The following ADCY2 variants were observed in gnomAD, a reference collection of about 807,000 sequenced individuals.
ADCY2 encodes the protein adenylate cyclase type 2.
Under a neutral mutation model 125.2 loss-of-function variants are expected in ADCY2, and 31 were observed. That is an observed-to-expected ratio of 0.25 (90% confidence interval 0.19 to 0.33). ADCY2 has a LOEUF of 0.33. ADCY2 is among the 10% of genes least tolerant of loss of function. ADCY2 has a pLI of 1.00. For missense variants in ADCY2, 904 were observed against 1,418.2 expected, an observed-to-expected ratio of 0.64 and a Z score of 5.82; for synonymous variants, 512 against 548.4, an observed-to-expected ratio of 0.93 and a Z score of 0.93.
chr5:7,655,017 T>C (rs1002930638), intron 4 of ADCY2, among the ~76,000 whole-genome samples: 12 of 152,148 alleles, frequency 7.9e-5, no homozygotes, highest in African/African-American at 2.9e-4. Context: ...GAGATCCCTG[T>C]TAGGTTTTAG....
At chr5:7,477,511 G>T (rs1417297246) in intron 2 of ADCY2, among the ~76,000 whole-genome samples, 1 of 152,132 alleles carries the variant, frequency 6.6e-6, no homozygotes, top group East Asian at 1.9e-4. Flanking sequence ...CAGTCACATA[G>T]CAGGTGCCAG....
chr5:7,645,512 A>C (rs1738864017), intron 4 of ADCY2, among the ~76,000 whole-genome samples: 1 of 152,058 alleles, frequency 6.6e-6, no homozygotes, highest in South Asian at 2.1e-4. Context: ...CCAATGAGAC[A>C]ATGTCCAGTG....
At chr5:7,626,440 G>C (rs1451629297) in intron 4 of ADCY2, 124 bp downstream of exon 4, 3 of 1,130,894 alleles carry the variant, frequency 2.7e-6, no homozygotes, top group Non-Finnish European at 3.7e-6. Context: ...AGAAACCCTG[G>C]GCTCTGCACC....
At chr5:7,592,715 A>G (rs1277117412) in intron 3 of ADCY2, among the ~76,000 whole-genome samples, 1 of 152,222 alleles carries the variant, frequency 6.6e-6, no homozygotes, top group African/African-American at 2.4e-5. Flanking sequence ...TACCCTGTCA[A>G]TAAACATAAA....
chr5:7,820,905 A>G (rs1230380504), intron 24 of ADCY2, among the ~76,000 whole-genome samples: 2 of 152,254 alleles, frequency 1.3e-5, no homozygotes, highest in African/African-American at 4.8e-5. Flanking sequence ...AAAGGCTATT[A>G]TATTTGTGAA....
intron 17 of ADCY2, among the ~76,000 whole-genome samples, chr5:7,767,258 C>G (rs1743413612): frequency 6.6e-6 from 1 of 152,120 alleles, no homozygotes; most frequent in Non-Finnish European, 1.5e-5. Flanking sequence ...TGATTCTGTT[C>G]CCTAGTAATT....
At chr5:7,525,670 TG>T (rs1734432551) in intron 3 of ADCY2, among the ~76,000 whole-genome samples, 1 of 151,968 alleles carries the variant, frequency 6.6e-6, no homozygotes, top group Non-Finnish European at 1.5e-5. Flanking sequence ...TGTGTGTGTG[TG>T]TGTGTGTGTT....
chr5:7,465,797 C>T (rs1009937762), intron 2 of ADCY2, among the ~76,000 whole-genome samples: 1 of 152,132 alleles, frequency 6.6e-6, no homozygotes, highest in African/African-American at 2.4e-5. Context: ...ATCCTCCTTT[C>T]TCTTAGCTTA....
At chr5:7,507,440 CAAAA>C (rs766601693) in intron 2 of ADCY2, among the ~76,000 whole-genome samples, 1 of 46,984 alleles carries the variant, frequency 2.1e-5, no homozygotes, top group Non-Finnish European at 4.0e-5. Context: ...GACTCCGTCT[CAAAA>C]AAAAAAAAAA....
chr5:7,467,205 A>T (rs762212191), intron 2 of ADCY2, among the ~76,000 whole-genome samples: 3 of 152,214 alleles, frequency 2.0e-5, no homozygotes, highest in Non-Finnish European at 2.9e-5. Flanking sequence ...TTAACCGCTC[A>T]GCTATCTTGC....
chr5:7,498,344 G>A (rs1743421448), intron 2 of ADCY2, among the ~76,000 whole-genome samples: 1 of 146,836 alleles, frequency 6.8e-6, no homozygotes, highest in African/African-American at 2.5e-5. Flanking sequence ...CACCTCCCAG[G>A]TTCACGCCAT....
At chr5:7,688,287 A>G (rs1407753700) in intron 4 of ADCY2, among the ~76,000 whole-genome samples, 2 of 91,550 alleles carry the variant, frequency 2.2e-5, no homozygotes, top group African/African-American at 9.3e-5. Flanking sequence ...TTTTTTTTTG[A>G]GACAGAGTCT....
intron 3 of ADCY2, among the ~76,000 whole-genome samples, chr5:7,547,846 G>C (rs1426845415): frequency 6.6e-6 from 1 of 152,168 alleles, no homozygotes; most frequent in Admixed American, 6.5e-5. Flanking sequence ...TATGCAAGTC[G>C]TCCGTCCTGG....
At chr5:7,651,046 A>T (rs1348288802) in intron 4 of ADCY2, among the ~76,000 whole-genome samples, 1 of 152,132 alleles carries the variant, frequency 6.6e-6, no homozygotes, top group Non-Finnish European at 1.5e-5. Context: ...CTTCTAGATT[A>T]TGTAGCTGCC....
intron 3 of ADCY2, among the ~76,000 whole-genome samples, chr5:7,548,377 G>A (rs1735217494): frequency 6.6e-6 from 1 of 151,964 alleles, no homozygotes. Context: ...ATAGGAGTGT[G>A]TGTATGTACA....
chr5:7,680,849 A>G (rs1740305774), intron 4 of ADCY2, among the ~76,000 whole-genome samples: 1 of 152,220 alleles, frequency 6.6e-6, no homozygotes, highest in Non-Finnish European at 1.5e-5. Context: ...TCCTCCAAAG[A>G]CAAAGCTATT....
At chr5:7,489,888 C>T (rs1456277718) in intron 2 of ADCY2, among the ~76,000 whole-genome samples, 1 of 152,168 alleles carries the variant, frequency 6.6e-6, no homozygotes, top group Non-Finnish European at 1.5e-5. Context: ...CCCGTGATGA[C>T]TTAAGATGGG....
chr5:7,485,039 G>A (rs1214885581), intron 2 of ADCY2, among the ~76,000 whole-genome samples: 1 of 152,138 alleles, frequency 6.6e-6, no homozygotes, highest in Non-Finnish European at 1.5e-5. Flanking sequence ...GTCACAGAAT[G>A]AGCCCATTCA....
intron 3 of ADCY2, among the ~76,000 whole-genome samples, chr5:7,566,561 A>C (rs1464843394): frequency 6.6e-6 from 1 of 152,010 alleles, no homozygotes; most frequent in Non-Finnish European, 1.5e-5. Context: ...CTCATAGGAC[A>C]CTCCCAAACT....
Sources: allele counts gnomAD v4.1 joint callset (sites outside exome capture counted in the v4.1 genomes callset), GRCh38; gene constraint gnomAD v4.1.1; transcripts MANE v1.5; gene names NCBI Gene and HGNC (gene_info 2026-07-23, HGNC 2026-07-21).